GRK3: variants seen among roughly 807,000 people sequenced by gnomAD.
GRK3 encodes the protein adrenergic, beta, receptor kinase 2.
GRK3 carries 54 observed loss-of-function variants against 95.7 expected under a neutral mutation model. That is an observed-to-expected ratio of 0.56 (90% CI 0.45 to 0.71). GRK3 has a LOEUF of 0.71. GRK3 is among the 30% of genes least tolerant of loss of function. The pLI is 0.00. For synonymous variants in GRK3, 281 were observed against 290.8 expected, an observed-to-expected ratio of 0.97 and a Z score of 0.34; for missense variants, 649 against 851.2, an observed-to-expected ratio of 0.76 and a Z score of 2.96.
At chr22:25,667,914 G>A in intron 6 of GRK3, 114 bp downstream of exon 6, 1 of 631,940 alleles carries the variant, frequency 1.6e-6, no homozygotes. Context: ...AGTATTCACT[G>A]ACCATGTACG....
chr22:25,645,567 A>G (rs2146383417), intron 3 of GRK3, among the ~76,000 whole-genome samples: 1 of 152,246 alleles, frequency 6.6e-6, no homozygotes, highest in South Asian at 2.1e-4. Flanking sequence ...GGCAGAACTG[A>G]CTCCAGTGCT....
chr22:25,707,655 A>G (rs2085310354), intron 15 of GRK3, among the ~76,000 whole-genome samples: 1 of 152,232 alleles, frequency 6.6e-6, no homozygotes, highest in Non-Finnish European at 1.5e-5. Flanking sequence ...AGGTAGAATC[A>G]GTGCTCCCGT....
chr22:25,646,725 T>C (rs1427048017), intron 3 of GRK3, among the ~76,000 whole-genome samples: 1 of 151,960 alleles, frequency 6.6e-6, no homozygotes, highest in Non-Finnish European at 1.5e-5. Context: ...AAATGATTTT[T>C]AAAAAAAGAC....
intron 3 of GRK3, chr22:25,647,737 T>G (rs2084796178): frequency 1.6e-6 from 2 of 1,235,620 alleles, no homozygotes; most frequent in Admixed American, 1.7e-5. Flanking sequence ...AGAAGAATGG[T>G]ATTTTGGCAA....
chr22:25,677,398 A>G (rs1264554754), intron 8 of GRK3, among the ~76,000 whole-genome samples: 1 of 148,590 alleles, frequency 6.7e-6, no homozygotes, highest in Admixed American at 6.8e-5. Context: ...AAAAAAAAAA[A>G]AAAGAAAAGG....
chr22:25,650,114 C>T (rs556917562), intron 3 of GRK3, among the ~76,000 whole-genome samples: 23 of 152,094 alleles, frequency 1.5e-4, no homozygotes, highest in Admixed American at 2.6e-4. Flanking sequence ...GCCTCAGCCT[C>T]CTGAGTAGCT....
intron 1 of GRK3, among the ~76,000 whole-genome samples, chr22:25,580,874 C>T (rs113334882): frequency 0.03 from 4,510 of 152,202 alleles, 119 homozygotes; most frequent in Middle Eastern, 0.068. Flanking sequence ...CCTGTAATTC[C>T]AGCACTTTGG....
intron 7 of GRK3, 29 bp downstream of exon 7, chr22:25,672,376 T>A: frequency 8.0e-7 from 1 of 1,257,324 alleles, no homozygotes; most frequent in Non-Finnish European, 1.1e-6. Flanking sequence ...TTTTTTCATT[T>A]TTTAAATAAA....
At chr22:25,565,780 A>G (rs555153303) in intron 1 of GRK3, among the ~76,000 whole-genome samples, 2 of 152,042 alleles carry the variant, frequency 1.3e-5, no homozygotes, top group Non-Finnish European at 2.9e-5. Context: ...ATTTTGACCC[A>G]CTCAGTATTC....
chr22:25,657,726 C>T (rs2084882657), intron 3 of GRK3, among the ~76,000 whole-genome samples: 1 of 151,858 alleles, frequency 6.6e-6, no homozygotes, highest in Non-Finnish European at 1.5e-5. Flanking sequence ...TTTACCAAAT[C>T]TGGGAAAATT....
chr22:25,579,900 T>A (rs950618134), intron 1 of GRK3, among the ~76,000 whole-genome samples: 1 of 152,206 alleles, frequency 6.6e-6, no homozygotes, highest in Non-Finnish European at 1.5e-5. Flanking sequence ...ATGTATGATA[T>A]CGCTAAATGA....
chr22:25,656,710 T>G (rs1214098458), intron 3 of GRK3, among the ~76,000 whole-genome samples: 7 of 152,208 alleles, frequency 4.6e-5, no homozygotes, highest in Admixed American at 4.6e-4. Context: ...TCTTTGAGCT[T>G]GTATTCTGGT....
intron 8 of GRK3, among the ~76,000 whole-genome samples, chr22:25,677,158 C>G (rs1461392497): frequency 2.0e-5 from 3 of 151,888 alleles, no homozygotes; most frequent in African/African-American, 4.8e-5. Flanking sequence ...GACAGGAGTT[C>G]GAGACCAGCC....
chr22:25,718,205 T>C, intron 18 of GRK3, 40 bp from the exon 19 acceptor site: 1 of 1,594,694 alleles, frequency 6.3e-7, no homozygotes, highest in Non-Finnish European at 8.6e-7. Context: ...ACATTTTGTT[T>C]CAGAGCCTAT....
chr22:25,605,270 A>G (rs993503561), intron 2 of GRK3, among the ~76,000 whole-genome samples: 2 of 152,210 alleles, frequency 1.3e-5, no homozygotes, highest in African/African-American at 4.8e-5. Flanking sequence ...CTGTGTGGAA[A>G]GTGATTGGTC....
intron 4 of GRK3, among the ~76,000 whole-genome samples, chr22:25,662,267 A>G (rs926350601): frequency 6.6e-6 from 1 of 152,248 alleles, no homozygotes; most frequent in Non-Finnish European, 1.5e-5. Flanking sequence ...AATGTTTTCC[A>G]AAAGGTGGCC....
chr22:25,708,506 A>G (rs1279953652), intron 15 of GRK3, among the ~76,000 whole-genome samples: 1 of 152,148 alleles, frequency 6.6e-6, no homozygotes, highest in Non-Finnish European at 1.5e-5. Context: ...AGGGCACTCA[A>G]GCTCTGGGCT....
At chr22:25,649,419 A>G (rs1420919820) in intron 3 of GRK3, among the ~76,000 whole-genome samples, 3 of 152,196 alleles carry the variant, frequency 2.0e-5, no homozygotes, top group African/African-American at 7.2e-5. Context: ...TTAAAGTACG[A>G]TGATGAATTT....
chr22:25,625,133 G>A (rs898695945), intron 2 of GRK3, among the ~76,000 whole-genome samples: 3 of 151,932 alleles, frequency 2.0e-5, no homozygotes, highest in Non-Finnish European at 4.4e-5. Context: ...AGCTGTGGGC[G>A]GCAAGCCACC....
Sources: gnomAD v4.1 joint callset for allele counts (sites outside exome capture counted in the v4.1 genomes callset) on GRCh38, gnomAD v4.1.1 for gene constraint, MANE v1.5 for transcripts, NCBI Gene and HGNC (gene_info 2026-07-23, HGNC 2026-07-21) for gene names.